The following ATP9B variants were observed in gnomAD, a reference collection of about 807,000 sequenced individuals.
ATP9B encodes probable phospholipid-transporting ATPase IIB.
ATP9B carries 110 observed loss-of-function variants against 146.1 expected under a neutral mutation model. The observed-to-expected ratio is 0.75, with a 90% CI of 0.65 to 0.88. The LOEUF (loss-of-function observed/expected upper bound fraction) is 0.88, where lower values mean the gene tolerates loss of function less well. ATP9B is among the 40% of genes least tolerant of loss of function. The probability of loss-of-function intolerance (pLI) is 0.00; values close to 1 mark genes in which losing one functional copy is unlikely to be tolerated. For missense variants in ATP9B, 1,499 were observed against 1,496.4 expected (o/e 1.00, Z -0.03); for synonymous variants, 604 against 569.7 (o/e 1.06, Z -0.86).
At chr18:79,206,425 G>A (rs2095534282) in intron 9 of ATP9B, among the ~76,000 whole-genome samples, 1 of 152,108 alleles carries the variant, frequency 6.6e-6, no homozygotes, top group African/African-American at 2.4e-5. Flanking sequence ...AAGAAATGTT[G>A]AAGAGTTGAC....
intron 7 of ATP9B, among the ~76,000 whole-genome samples, chr18:79,176,238 G>A (rs1446888978): frequency 6.6e-6 from 1 of 152,172 alleles, no homozygotes; most frequent in Non-Finnish European, 1.5e-5. Context: ...TCCATCATTA[G>A]AATAGATTCT....
chr18:79,295,786 C>G (rs2096543625), intron 13 of ATP9B, among the ~76,000 whole-genome samples: 1 of 152,082 alleles, frequency 6.6e-6, no homozygotes, highest in Non-Finnish European at 1.5e-5. Context: ...GGGATTGGTT[C>G]CCTTAAAAGC....
At chr18:79,185,604 C>T (rs903318864) in intron 8 of ATP9B, among the ~76,000 whole-genome samples, 1 of 152,182 alleles carries the variant, frequency 6.6e-6, no homozygotes, top group Non-Finnish European at 1.5e-5. Flanking sequence ...ATTCATTAAT[C>T]AATTTTATAT....
chr18:79,332,156 A>G (rs534209439), intron 17 of ATP9B, among the ~76,000 whole-genome samples: 27 of 152,304 alleles, frequency 1.8e-4, no homozygotes, highest in South Asian at 1.0e-3. Flanking sequence ...TGGGCTGGGT[A>G]CGGTGGCTTA....
chr18:79,200,522 C>A (rs11663180), intron 9 of ATP9B, among the ~76,000 whole-genome samples: 1 of 151,872 alleles, frequency 6.6e-6, no homozygotes. Flanking sequence ...TTACCCAGTG[C>A]ACACAGAACA....
intron 10 of ATP9B, among the ~76,000 whole-genome samples, chr18:79,209,999 T>C (rs1021164488): frequency 3.3e-5 from 5 of 152,202 alleles, no homozygotes; most frequent in Non-Finnish European, 5.9e-5. Context: ...AAGTTGACTC[T>C]GGAGGGGAAG....
intron 15 of ATP9B, among the ~76,000 whole-genome samples, chr18:79,321,097 T>G (rs2096713169): frequency 1.3e-5 from 2 of 152,210 alleles, no homozygotes; most frequent in South Asian, 4.1e-4. Flanking sequence ...CATGACTATA[T>G]TTCAGATATA....
intron 9 of ATP9B, among the ~76,000 whole-genome samples, chr18:79,200,769 G>A (rs1164033232): frequency 2.0e-5 from 3 of 152,272 alleles, no homozygotes; most frequent in African/African-American, 7.2e-5. Flanking sequence ...GAACGTTGGG[G>A]TCAGAGCAGA....
intron 12 of ATP9B, among the ~76,000 whole-genome samples, chr18:79,261,067 T>G (rs2096135639): frequency 6.6e-6 from 1 of 152,118 alleles, no homozygotes; most frequent in African/African-American, 2.4e-5. Context: ...CCGTGCCAAA[T>G]TTAGATGGTT....
At chr18:79,258,255 G>T (rs979590105) in intron 12 of ATP9B, among the ~76,000 whole-genome samples, 1 of 152,008 alleles carries the variant, frequency 6.6e-6, no homozygotes, top group Non-Finnish European at 1.5e-5. Flanking sequence ...GTGAAACCTG[G>T]TCTCTCCAAA....
intron 17 of ATP9B, among the ~76,000 whole-genome samples, chr18:79,330,459 C>T (rs1466093372): frequency 1.3e-5 from 2 of 151,026 alleles, no homozygotes; most frequent in Non-Finnish European, 2.9e-5. Context: ...GTCACCCAGG[C>T]TGGAGTGCAG....
At chr18:79,178,919 T>C (rs2095216106) in intron 8 of ATP9B, among the ~76,000 whole-genome samples, 1 of 152,194 alleles carries the variant, frequency 6.6e-6, no homozygotes, top group African/African-American at 2.4e-5. Context: ...TTTAAAATAG[T>C]TGGCATAAAA....
At chr18:79,205,314 TC>T (rs1426338809) in intron 9 of ATP9B, among the ~76,000 whole-genome samples, 2 of 152,274 alleles carry the variant, frequency 1.3e-5, no homozygotes, top group African/African-American at 2.4e-5. Flanking sequence ...GAATCAGATA[TC>T]TAGCAAATAT....
chr18:79,216,729 C>G (rs745918144), intron 11 of ATP9B, among the ~76,000 whole-genome samples: 8 of 152,128 alleles, frequency 5.3e-5, no homozygotes, highest in Non-Finnish European at 8.8e-5. Flanking sequence ...TCCTCTTCTC[C>G]TTTCTTAAAA....
At chr18:79,227,077 A>C (rs1203261007) in intron 11 of ATP9B, among the ~76,000 whole-genome samples, 1 of 152,076 alleles carries the variant, frequency 6.6e-6, no homozygotes, top group Non-Finnish European at 1.5e-5. Context: ...GGTGGGCTAT[A>C]ACCTGTTACT....
intron 24 of ATP9B, 21 bp from the exon 25 acceptor site, chr18:79,348,111 G>C (rs777628303): frequency 1.2e-6 from 2 of 1,613,728 alleles, no homozygotes; most frequent in South Asian, 2.2e-5. Context: ...AGTTGTCTTC[G>C]TCTGTGGGCT....
intron 29 of ATP9B, chr18:79,376,172 AACACACACACACACACAC>A (rs373840231): frequency 6.6e-5 from 56 of 853,854 alleles, no homozygotes; most frequent in Middle Eastern, 6.4e-4. Context: ...CTACCTTAGA[AACACACACACACACACAC>A]ACACACACAC....
chr18:79,332,523 T>G (rs2096797207), intron 17 of ATP9B, among the ~76,000 whole-genome samples: 1 of 152,192 alleles, frequency 6.6e-6, no homozygotes, highest in African/African-American at 2.4e-5. Context: ...CTGACTTTCT[T>G]CCTCATGGTC....
intron 14 of ATP9B, among the ~76,000 whole-genome samples, chr18:79,304,035 T>C (rs550454909): frequency 6.6e-6 from 1 of 152,312 alleles, no homozygotes; most frequent in East Asian, 1.9e-4. Context: ...TCAATATGTT[T>C]TCTAACAGTT....
Sources: gnomAD v4.1 joint callset for allele counts (sites outside exome capture counted in the v4.1 genomes callset) on GRCh38, gnomAD v4.1.1 for gene constraint, MANE v1.5 for transcripts, NCBI Gene and HGNC (gene_info 2026-07-23, HGNC 2026-07-21) for gene names.